Variants in SCYL1 observed in about 807,000 individuals in gnomAD.
SCYL1 encodes the protein SCY1 like pseudokinase 1.
SCYL1 carries 85 observed loss-of-function variants against 94.8 expected under a neutral mutation model. The ratio of observed to expected loss-of-function variants is 0.90; its 90% CI spans 0.75 to 1.07. The LOEUF (loss-of-function observed/expected upper bound fraction) is 1.07, where lower values mean the gene tolerates loss of function less well. Among genes scored for constraint, SCYL1 ranks in the 50% least tolerant of loss-of-function variants. The probability of loss-of-function intolerance (pLI) is 0.00; values close to 1 mark genes in which losing one functional copy is unlikely to be tolerated. For synonymous variants in SCYL1, 459 were observed against 435.5 expected (o/e 1.05, Z -0.67); for missense variants, 968 against 1,083.3 (o/e 0.89, Z 1.49).
At chr11:65,527,403 C>G (rs1295551934) in intron 6 of SCYL1, among the ~76,000 whole-genome samples, 5 of 152,168 alleles carry the variant, frequency 3.3e-5, no homozygotes, top group Non-Finnish European at 7.3e-5. Context: ...CAAGGAAATG[C>G]CCATTAGAGC....
chr11:65,526,468 CAG>C lies in SCYL1; in HGVS notation c.602+119_602+120del. 1 of 867,438 alleles carries C rather than the reference CAG, an allele frequency of 1.2e-6. No homozygotes were observed. The highest frequency in any genetic ancestry group is 1.8e-6 in the Non-Finnish European group (1 of 566,988). The allele number at this position is 867,438 out of a possible 1,614,324, so 53.7% of individuals were successfully genotyped here. A position where few individuals can be genotyped will look rare whatever the true frequency, so the allele number is the denominator to read the frequency against. On this transcript the variant is annotated intron_variant, in intron 4 of 17. Coordinates refer to ENST00000270176, the MANE Select transcript of SCYL1 (RefSeq NM_020680.4). This position sits in a 1 kb window ranked among gnomAD's most constrained non-coding sequence, Gnocchi z 4.1. ...CCTGCTGCCTGGCTGGGGAGGGAAT[CAG>C]TGTCCCAGGAGTGAGGGACACTCCT...
chr11:65,537,914 G>T (rs2135101841), intron 15 of SCYL1, 34 bp downstream of exon 15: 1 of 1,582,576 alleles, frequency 6.3e-7, no homozygotes, highest in East Asian at 2.3e-5. Flanking sequence ...TGTGTGTATG[G>T]GGCTCTTTCC....
At chr11:65,535,173 A>G in intron 9 of SCYL1, 54 bp from the exon 10 acceptor site, 1 of 1,598,428 alleles carries the variant, frequency 6.3e-7, no homozygotes, top group Non-Finnish European at 8.6e-7. Flanking sequence ...CTGTTCCTGC[A>G]CAAGGCCCTT....
intron 6 of SCYL1, among the ~76,000 whole-genome samples, chr11:65,529,564 C>T (rs144787902): frequency 3.9e-5 from 6 of 152,358 alleles, no homozygotes; most frequent in Middle Eastern, 3.4e-3. Context: ...GCCTCCCACG[C>T]TGGTCTGAGC....
At chr11:65,534,902 C>T (rs1373073089) in intron 9 of SCYL1, among the ~76,000 whole-genome samples, 4 of 151,962 alleles carry the variant, frequency 2.6e-5, no homozygotes, top group Admixed American at 6.6e-5. Context: ...AAATTAGTAC[C>T]GGGGAGGGCA....
At chr11:65,532,004 A>G (rs558473825) in intron 8 of SCYL1, among the ~76,000 whole-genome samples, 1 of 152,278 alleles carries the variant, frequency 6.6e-6, no homozygotes, top group Admixed American at 6.5e-5. Flanking sequence ...GACAAGATGG[A>G]TGGGATCTAG....
intron 12 of SCYL1, 115 bp downstream of exon 12, chr11:65,536,449 G>A: frequency 7.1e-7 from 1 of 1,411,128 alleles, no homozygotes; most frequent in Non-Finnish European, 9.8e-7. Flanking sequence ...ACTTGACTCA[G>A]CTCCCCCTTC....
Position 65,527,327 on chromosome 11 carries a change from T to C in SCYL1, c.849+210T>C, listed in dbSNP as rs550064259. Among the ~76,000 whole-genome samples, 6 of 152,272 alleles carry C rather than the reference T, an allele frequency of 3.9e-5. No homozygotes were observed. The South Asian group carries it at 1.2e-3, about 32-fold the overall frequency. On this transcript the variant is annotated intron_variant, in intron 6 of 17. Coordinates refer to ENST00000270176, the MANE Select transcript of SCYL1 (RefSeq NM_020680.4). ...TCCCAATAATAGTACAGGTTGAGCA[T>C]CCCTAATCCGAAAATGCATGATCTA...
At chr11:65,535,789 C>T in intron 10 of SCYL1, 164 bp from the exon 11 acceptor site, 2 of 702,440 alleles carry the variant, frequency 2.8e-6, no homozygotes, top group Non-Finnish European at 4.6e-6. Context: ...AAGAGAAGCC[C>T]AGGTCCAGAG....
chr11:65,526,808 T>A lies in SCYL1; in HGVS notation c.628T>A (p.Cys210Ser). The stretch of plus-strand genomic sequence containing the variant: ...GTCAGCAGACATGTGGCGCTTGGGC[T>A]GCCTCATTTGGGAAGTCTTCAATGG... Reference protein sequence around the residue: ...KWSADMWRLGCLIWEVFNGPL... With the variant: ...KWSADMWRLGSLIWEVFNGPL... The change falls in exon 5 of 18, where the codon TGC (cysteine) becomes AGC (serine). Residue 210 changes from cysteine to serine, a missense_variant. Transcript: ENST00000270176. The surrounding 1 kb of genome is among the most constrained non-coding windows in gnomAD (Gnocchi z 4.1). 6.2e-7 allele frequency: 1 copy of A among 1,613,152 alleles called. No individual in the cohort carries two copies. The highest frequency in any genetic ancestry group is 2.2e-5 in the East Asian group (1 of 44,864).
At position 65,538,072 on chromosome 11, in the gene SCYL1, G is replaced by C. The variant is rs374521201; in HGVS notation, c.2137G>C (p.Glu713Gln). ...EQGWQEPSSQ[E>Q]PPPDGTRLAS... ...GGGCTGGCAGGAGCCAAGCTCCCAG[G>C]AGCCACCTCCTGACGGTACACGGCT... is the stretch of plus-strand genomic sequence containing the variant. Residue 713 changes from glutamate (E) to glutamine (Q), a missense_variant, in exon 16 of 18, where the codon GAG becomes CAG. Physicochemically the swap from Glu to Gln is conservative, Grantham distance 29. Around this residue, in one of 2 missense-constraint regions of SCYL1, gnomAD observed 474 missense variants for 463.6 expected, o/e 1.02. Transcript: ENST00000270176. The C allele has an allele frequency of 1.2e-6, 2 of 1,608,386 alleles. No individual in the cohort carries two copies. The highest frequency in any genetic ancestry group is 2.7e-5 in the African/African-American group (2 of 74,882).
chr11:65,525,736 C>T, intron 2 of SCYL1, 22 bp downstream of exon 2: 3 of 1,611,076 alleles, frequency 1.9e-6, no homozygotes, highest in Middle Eastern at 1.7e-4. Flanking sequence ...CTTGCCTGCC[C>T]GTCTCTGCCC....
chr11:65,533,913 G>A (rs1235056122), intron 9 of SCYL1, among the ~76,000 whole-genome samples: 1 of 152,106 alleles, frequency 6.6e-6, no homozygotes, highest in Non-Finnish European at 1.5e-5. Context: ...GGTAAAACAT[G>A]GTAAAACCCC....
Position 65,526,691 on chromosome 11 carries a change from C to T in SCYL1, c.603-92C>T, listed in dbSNP as rs1855099998. On this transcript the variant is annotated intron_variant, in intron 4 of 17. Transcript: ENST00000270176. The surrounding 1 kb of genome is among the most constrained non-coding windows in gnomAD (Gnocchi z 4.1). ...CTCAGCTGAGGGACATAGCCAGGCC[C>T]TGGCATGCAGTGGGTGCCTGGTGCC... 2.4e-6 allele frequency: 3 copies of T among 1,251,234 alleles called. No individual in the cohort carries two copies. The highest frequency in any genetic ancestry group is 2.5e-4 in the Middle Eastern group (1 of 3,964). The allele number at this position is 1,251,234 out of a possible 1,614,324, so 77.5% of individuals were successfully genotyped here. A position where few individuals can be genotyped will look rare whatever the true frequency, so the allele number is the denominator to read the frequency against.
chr11:65,528,418 G>A (rs1475872406), intron 6 of SCYL1, among the ~76,000 whole-genome samples: 1 of 151,470 alleles, frequency 6.6e-6, no homozygotes, highest in Non-Finnish European at 1.5e-5. Flanking sequence ...TTCTAGCCTG[G>A]GCAACAAGAG....
intron 14 of SCYL1, 34 bp downstream of exon 14, chr11:65,537,162 C>G: frequency 6.2e-7 from 1 of 1,612,020 alleles, no homozygotes; most frequent in Non-Finnish European, 8.5e-7. Flanking sequence ...CCCAGGGGAC[C>G]CCAGCTCAAA....
chr11:65,536,415 T>G, intron 12 of SCYL1, 81 bp downstream of exon 12: 1 of 1,502,094 alleles, frequency 6.7e-7, no homozygotes, highest in South Asian at 1.2e-5. Flanking sequence ...CCCACTGGAG[T>G]TTCTGAAAGG....
In SCYL1 at chr11:65,536,034, G is replaced by A. The variant is rs752159918; in HGVS notation, c.1468G>A (p.Gly490Ser). Reference protein sequence around the residue: ...FAPSRVAGVLGFAATHNLYSM... With the variant: ...FAPSRVAGVLSFAATHNLYSM... ...ACCGTCCCGGGTTGCGGGTGTCCTGGGCTTTGCTGCCACCCACAACCTCTA... is the reference window on the plus strand; with the variant it reads ...ACCGTCCCGGGTTGCGGGTGTCCTGAGCTTTGCTGCCACCCACAACCTCTA... Residue 490 changes from glycine to serine, a missense_variant, in exon 11 of 18, where the codon GGC becomes AGC. Gly to Ser is a moderately conservative substitution (Grantham distance 56, BLOSUM62 0). This residue lies in a region of SCYL1 where 474 missense variants were observed against 463.6 expected (regional missense o/e 1.02). Transcript: ENST00000270176. The A allele has an allele frequency of 6.2e-7, 1 of 1,614,158 alleles. No homozygotes were observed. The highest frequency in any genetic ancestry group is 8.5e-7 in the Non-Finnish European group (1 of 1,180,008).
At chr11:65,529,312 T>A (rs1171577218) in intron 6 of SCYL1, among the ~76,000 whole-genome samples, 1 of 152,106 alleles carries the variant, frequency 6.6e-6, no homozygotes, top group East Asian at 1.9e-4. Flanking sequence ...TTACGTGGAG[T>A]TCTCCTCGTA....
Sources: allele counts gnomAD v4.1 joint callset (sites outside exome capture counted in the v4.1 genomes callset), GRCh38; gene constraint gnomAD v4.1.1; regional missense constraint gnomAD v4.1.1; non-coding constraint Gnocchi (gnomAD v3.1); transcripts MANE v1.5; gene names NCBI Gene and HGNC (gene_info 2026-07-23, HGNC 2026-07-21).